KIRREL3: variants seen among roughly 807,000 people sequenced by gnomAD.
KIRREL3 encodes the protein kirre like nephrin family adhesion molecule 3.
In KIRREL3, 36 loss-of-function variants were observed where a neutral mutation model predicts 89.7. The ratio of observed to expected loss-of-function variants is 0.40; its 90% CI spans 0.31 to 0.53. KIRREL3 has a LOEUF of 0.53. KIRREL3 is among the 20% of genes least tolerant of loss of function. The probability of loss-of-function intolerance (pLI) is 0.49; values close to 1 mark genes in which losing one functional copy is unlikely to be tolerated. For synonymous variants in KIRREL3, 445 were observed against 441.4 expected (o/e 1.01, Z -0.10); for missense variants, 864 against 1,056.6 (o/e 0.82, Z 2.53).
At chr11:126,799,988 T>C (rs1268257697) in intron 1 of KIRREL3, among the ~76,000 whole-genome samples, 1 of 152,156 alleles carries the variant, frequency 6.6e-6, no homozygotes, top group Non-Finnish European at 1.5e-5. Flanking sequence ...CACTCCCTAG[T>C]TCAATCAATC....
rs1945108881 is a variant in KIRREL3 at position 126,655,776 on chromosome 11, C to A, written c.56-92864G>T. Among the ~76,000 whole-genome samples, 1 of 152,102 alleles carries A rather than the reference C, an allele frequency of 6.6e-6. No individual in the cohort carries two copies. Among genetic ancestry groups the A allele is most frequent in the Admixed American group, 6.6e-5 (1 of 15,260 alleles). ...TGTCTTGGCTCAGGTTTCTGTGTGG[C>A]AACAGCATGATAAAAATTCTGTCCA... is the stretch of plus-strand genomic sequence containing the variant. On this transcript the variant is annotated intron_variant, in intron 1 of 16. Transcript: ENST00000525144. This position sits in a 1 kb window ranked among gnomAD's most constrained non-coding sequence, Gnocchi z 5.0.
chr11:126,998,147 C>A (rs1950226114), intron 1 of KIRREL3, among the ~76,000 whole-genome samples: 1 of 152,170 alleles, frequency 6.6e-6, no homozygotes, highest in Admixed American at 6.5e-5. Context: ...AGGTGGGGCA[C>A]AGTACATGAG....
At position 126,608,283 on chromosome 11, in the gene KIRREL3, A is replaced by G. The variant is rs1180549056; in HGVS notation, c.56-45371T>C. ...CCTATCCACCTGGCAGGCGTTTGGAACAACGTGCTGAATAACAGCAGCATT... is the reference window on the plus strand; with the variant it reads ...CCTATCCACCTGGCAGGCGTTTGGAGCAACGTGCTGAATAACAGCAGCATT... On this transcript the variant is annotated intron_variant, in intron 1 of 16. Transcript: ENST00000525144. This position sits in a 1 kb window ranked among gnomAD's most constrained non-coding sequence, Gnocchi z 4.9. Among the ~76,000 whole-genome samples, 1 of 152,176 alleles carries G rather than the reference A, an allele frequency of 6.6e-6. No individual in the cohort carries two copies. Among genetic ancestry groups the G allele is most frequent in the Non-Finnish European group, 1.5e-5 (1 of 68,024 alleles).
At chr11:126,534,364 C>G (rs1366266621) in intron 2 of KIRREL3, among the ~76,000 whole-genome samples, 1 of 152,208 alleles carries the variant, frequency 6.6e-6, no homozygotes, top group Non-Finnish European at 1.5e-5. Flanking sequence ...GCTGCGTGTG[C>G]ATGAACCTGC....
chr11:126,786,022 G>A (rs377747172), intron 1 of KIRREL3, among the ~76,000 whole-genome samples: 22 of 151,366 alleles, frequency 1.5e-4, no homozygotes, highest in Admixed American at 4.0e-4. Context: ...TTGTCAACCT[G>A]TTCCAAGAAA....
rs1013634749 is a variant in KIRREL3, at chr11:126,449,752, G to T, written c.849-595C>A. The stretch of plus-strand genomic sequence containing the variant: ...TCAGGAGGAGTGGCGTGAGCGAGTA[G>T]CCCTGGCTGCCCCTCTCTTTCCTCT... On this transcript the variant is annotated intron_variant, in intron 7 of 16. Coordinates refer to ENST00000525144, the MANE Select transcript of KIRREL3 (RefSeq NM_032531.4). Among the ~76,000 whole-genome samples the T allele has an allele frequency of 4.6e-5, 7 of 152,226 alleles. No individual in the cohort carries two copies. The East Asian group carries it at 1.3e-3, about 29-fold the overall frequency.
In KIRREL3 at chr11:126,763,530, C is replaced by T. The variant is rs556437669; in HGVS notation, c.56-200618G>A. Among the ~76,000 whole-genome samples the T allele has an allele frequency of 2.6e-5, 4 of 152,246 alleles. No homozygotes were observed. Among genetic ancestry groups the T allele is most frequent in the Admixed American group, 6.5e-5 (1 of 15,296 alleles). On this transcript the variant is annotated intron_variant, in intron 1 of 16. Transcript: ENST00000525144. The surrounding 1 kb of genome is among the most constrained non-coding windows in gnomAD (Gnocchi z 4.7). ...AGTCTCTCTGGGGCCACATGACACCCGAACACACAGAATCTGTGGGAACAA... is the reference window on the plus strand; with the variant it reads ...AGTCTCTCTGGGGCCACATGACACCTGAACACACAGAATCTGTGGGAACAA...
In KIRREL3 at chr11:126,496,565, T is replaced by A. The variant is rs903726456; in HGVS notation, c.434-23099A>T. ...AGTTTGGAGGGAGGGGTGGGTGTGA[T>A]GGAGGCAAAGGGAAGGAAGACCACA... On this transcript the variant is annotated intron_variant, in intron 4 of 16. Transcript: ENST00000525144. The surrounding 1 kb of genome is among the most constrained non-coding windows in gnomAD (Gnocchi z 4.9). Among the ~76,000 whole-genome samples, 5 of 151,904 alleles carry A rather than the reference T, an allele frequency of 3.3e-5. No individual in the cohort carries two copies. Among genetic ancestry groups the A allele is most frequent in the African/African-American group, 9.7e-5 (4 of 41,328 alleles).
chr11:126,933,789 A>AG (rs1334542754), intron 1 of KIRREL3, among the ~76,000 whole-genome samples: 1 of 151,598 alleles, frequency 6.6e-6, no homozygotes, highest in Admixed American at 6.6e-5. Context: ...GAAAAAAAAA[A>AG]ACCAAAAACA....
chr11:126,552,755 G>A (rs1424322874), intron 2 of KIRREL3, among the ~76,000 whole-genome samples: 1 of 151,692 alleles, frequency 6.6e-6, no homozygotes, highest in Non-Finnish European at 1.5e-5. Context: ...TAGAGACGGG[G>A]TTTCGCCATG....
At chr11:126,822,391 C>A (rs1408563719) in intron 1 of KIRREL3, among the ~76,000 whole-genome samples, 1 of 152,202 alleles carries the variant, frequency 6.6e-6, no homozygotes, top group Non-Finnish European at 1.5e-5. Context: ...TCTAGAACTT[C>A]TAATTTCAGT....
Position 126,462,202 on chromosome 11 carries a change from A to G in KIRREL3, c.742+955T>C, listed in dbSNP as rs1229252593. On this transcript the variant is annotated intron_variant, in intron 6 of 16. Transcript: ENST00000525144. The surrounding 1 kb of genome is among the most constrained non-coding windows in gnomAD (Gnocchi z 4.8). ...ATCATAACTGTCAACATGAATCCTA[A>G]CACGGGCCACCGAGGGCTGGCTGGG... Among the ~76,000 whole-genome samples, 5 of 152,094 alleles carry G rather than the reference A, an allele frequency of 3.3e-5. No individual in the cohort carries two copies. Among genetic ancestry groups the G allele is most frequent in the Non-Finnish European group, 7.4e-5 (5 of 68,022 alleles).
At position 126,446,868 on chromosome 11, in the gene KIRREL3, GT is replaced by G; in HGVS notation, c.1015del (p.Thr339GlnfsTer26). On this transcript the variant is annotated frameshift_variant, in exon 9 of 17. Coordinates refer to ENST00000525144, the MANE Select transcript of KIRREL3 (RefSeq NM_032531.4). LOFTEE classifies it high-confidence loss of function. ...VDVYFGPRMT[T>X]EPQSLLVDLG... Reference sequence around the variant, plus strand: ...ATCCACGAGCAAGGATTGGGGTTCTGTGGTCATCCGGGGCCCAACTGCGATG... The same window carrying G: ...ATCCACGAGCAAGGATTGGGGTTCTGGGTCATCCGGGGCCCAACTGCGATG... 1 of 1,605,144 alleles carries G rather than the reference GT, an allele frequency of 6.2e-7. No homozygotes were observed. The highest frequency in any genetic ancestry group is 8.5e-7 in the Non-Finnish European group (1 of 1,175,924).
At chr11:126,785,841 T>C (rs1950470772) in intron 1 of KIRREL3, among the ~76,000 whole-genome samples, 1 of 114,312 alleles carries the variant, frequency 8.7e-6, no homozygotes, top group Non-Finnish European at 1.6e-5. Flanking sequence ...GCCACTGCAC[T>C]CCAGCCTGGT....
Position 126,891,778 on chromosome 11 carries a change from C to T in KIRREL3, c.55+108677G>A, listed in dbSNP as rs1945933848. Reference sequence around the variant, plus strand: ...GATGGGCAGGGCTGGGGTCAGACTCCGGTGACAGCAGCAGTGGACACAATC... The same window carrying T: ...GATGGGCAGGGCTGGGGTCAGACTCTGGTGACAGCAGCAGTGGACACAATC... On this transcript the variant is annotated intron_variant, in intron 1 of 16. Transcript: ENST00000525144. The surrounding 1 kb of genome is among the most constrained non-coding windows in gnomAD (Gnocchi z 5.1). Among the ~76,000 whole-genome samples, 2 of 152,172 alleles carry T rather than the reference C, an allele frequency of 1.3e-5. No homozygotes were observed. Among genetic ancestry groups the T allele is most frequent in the African/African-American group, 2.4e-5 (1 of 41,444 alleles).
intron 1 of KIRREL3, among the ~76,000 whole-genome samples, chr11:126,934,262 G>A (rs1228300802): frequency 6.6e-6 from 1 of 151,976 alleles, no homozygotes; most frequent in Non-Finnish European, 1.5e-5. Flanking sequence ...ACATTCACAG[G>A]CAAAAATATG....
Position 126,508,328 on chromosome 11 carries a change from A to C in KIRREL3, c.433+12987T>G, listed in dbSNP as rs113337249. Among the ~76,000 whole-genome samples, 62 of 152,226 alleles carry C rather than the reference A, an allele frequency of 4.1e-4. 1 individual carries two copies. The highest frequency in any genetic ancestry group is 1.3e-3 in the African/African-American group (55 of 41,522). On this transcript the variant is annotated intron_variant, in intron 4 of 16. Transcript: ENST00000525144. The surrounding 1 kb of genome is among the most constrained non-coding windows in gnomAD (Gnocchi z 4.9). ...TCCCCCTTGGAAAAACCTCCTTCAC[A>C]CGGACAGAACAATTTAGAGGCTCAG... is the stretch of plus-strand genomic sequence containing the variant.
intron 1 of KIRREL3, among the ~76,000 whole-genome samples, chr11:126,658,263 C>A (rs746986211): frequency 1.3e-5 from 2 of 152,160 alleles, no homozygotes; most frequent in African/African-American, 2.4e-5. Flanking sequence ...GTATACCCAG[C>A]TTTGAGGGAA....
chr11:126,453,407 G>A (rs1000595286), intron 7 of KIRREL3, among the ~76,000 whole-genome samples: 2 of 152,314 alleles, frequency 1.3e-5, no homozygotes, highest in Admixed American at 1.3e-4. Context: ...TGGGATGGAG[G>A]AGGGCGTTAT....
Sources: gnomAD v4.1 joint callset for allele counts (sites outside exome capture counted in the v4.1 genomes callset) on GRCh38, gnomAD v4.1.1 for gene constraint, Gnocchi (gnomAD v3.1) non-coding constraint, MANE v1.5 for transcripts, NCBI Gene and HGNC (gene_info 2026-07-23, HGNC 2026-07-21) for gene names.